Variants in ZFPM2 observed in about 807,000 individuals in gnomAD.
ZFPM2 encodes zinc finger protein ZFPM2.
In ZFPM2, 20 loss-of-function variants were observed where a neutral mutation model predicts 98.6. The observed-to-expected ratio is 0.20, with a 90% CI of 0.14 to 0.29. The LOEUF is 0.29. Among genes scored for constraint, ZFPM2 ranks in the 10% least tolerant of loss-of-function variants. ZFPM2 has a pLI of 1.00. For missense variants in ZFPM2, 1,310 were observed against 1,388.6 expected, an observed-to-expected ratio of 0.94 and a Z score of 0.90; for synonymous variants, 518 against 502.7, an observed-to-expected ratio of 1.03 and a Z score of -0.41.
At chr8:105,329,975 G>A (rs1691333953) in intron 1 of ZFPM2, among the ~76,000 whole-genome samples, 1 of 151,426 alleles carries the variant, frequency 6.6e-6, no homozygotes, top group Non-Finnish European at 1.5e-5. Flanking sequence ...TTGTTTTTTT[G>A]CTATGATAGA....
At chr8:105,489,334 G>A (rs116181613) in intron 3 of ZFPM2, among the ~76,000 whole-genome samples, 2,813 of 148,310 alleles carry the variant, frequency 0.019, 91 homozygotes, top group African/African-American at 0.066. Context: ...CACGTTTCAT[G>A]TATATGTAAA....
chr8:105,394,497 G>T (rs1015619840), intron 1 of ZFPM2, among the ~76,000 whole-genome samples: 1 of 152,194 alleles, frequency 6.6e-6, no homozygotes, highest in African/African-American at 2.4e-5. Flanking sequence ...AAAGTTCCTT[G>T]TAGAACACTG....
intron 4 of ZFPM2, among the ~76,000 whole-genome samples, chr8:105,625,400 A>G (rs1362292764): frequency 6.6e-6 from 1 of 152,162 alleles, no homozygotes; most frequent in South Asian, 2.1e-4. Context: ...AGAATCACAT[A>G]TACACACATG....
intron 1 of ZFPM2, among the ~76,000 whole-genome samples, chr8:105,401,811 A>G (rs1382071824): frequency 6.6e-6 from 1 of 152,142 alleles, no homozygotes; most frequent in African/African-American, 2.4e-5. Flanking sequence ...TTAATTTCCA[A>G]TTACACTGCA....
chr8:105,604,423 G>A (rs983248891), intron 4 of ZFPM2, among the ~76,000 whole-genome samples: 4 of 151,928 alleles, frequency 2.6e-5, no homozygotes, highest in South Asian at 2.1e-4. Context: ...CACAACCCAA[G>A]TGGTATTTTA....
intron 2 of ZFPM2, among the ~76,000 whole-genome samples, chr8:105,439,050 A>G (rs1017804474): frequency 2.0e-5 from 3 of 151,934 alleles, no homozygotes; most frequent in African/African-American, 4.8e-5. Context: ...TTCTCATTGT[A>G]TTTTCAAAAA....
At chr8:105,505,772 A>G (rs1813686729) in intron 3 of ZFPM2, among the ~76,000 whole-genome samples, 1 of 152,190 alleles carries the variant, frequency 6.6e-6, no homozygotes. Context: ...GCCAATTTAT[A>G]CACAAAAGGC....
chr8:105,455,429 T>A lies in ZFPM2; in HGVS notation c.301+11048T>A, dbSNP rs147956501. Among the ~76,000 whole-genome samples, 448 of 152,238 alleles carry A rather than the reference T, an allele frequency of 2.9e-3. 6 individuals carry two copies. Among genetic ancestry groups the A allele is most frequent in the African/African-American group, 0.01 (420 of 41,544 alleles). ...GAGAAGGGAGGTGAATTCAAGGCCA[T>A]TGTGACTGGAGCTAAGAAAACCAAC... On this transcript the variant is annotated intron_variant, in intron 3 of 7. Coordinates refer to ENST00000407775, the MANE Select transcript of ZFPM2 (RefSeq NM_012082.4).
chr8:105,491,649 T>C (rs1472209226), intron 3 of ZFPM2, among the ~76,000 whole-genome samples: 1 of 152,172 alleles, frequency 6.6e-6, no homozygotes, highest in Non-Finnish European at 1.5e-5. Flanking sequence ...TAATTAATGG[T>C]GGAAAAAGAA....
In ZFPM2 at chr8:105,411,208, T is replaced by G. The variant is rs143123110; in HGVS notation, c.41-7936T>G. 4.9e-3 allele frequency among the ~76,000 whole-genome samples: 750 copies of G among 151,992 alleles called. 4 individuals are homozygous for G. Among genetic ancestry groups the G allele is most frequent in the African/African-American group, 0.017 (714 of 41,522 alleles). ...TGCCTTGGCTAAATGCAAGGTAATATTCTTGCTGCTTTCAGTTGCAAATGT... is the reference window on the plus strand; with the variant it reads ...TGCCTTGGCTAAATGCAAGGTAATAGTCTTGCTGCTTTCAGTTGCAAATGT... On this transcript the variant is annotated intron_variant, in intron 1 of 7. Transcript: ENST00000407775.
chr8:105,730,772 T>TTTTA (rs1563540215), intron 5 of ZFPM2, among the ~76,000 whole-genome samples: 1 of 130,742 alleles, frequency 7.6e-6, no homozygotes, highest in Non-Finnish European at 1.6e-5. Context: ...ACTTTTTCTT[T>TTTTA]TTTCTTTTTT....
intron 1 of ZFPM2, among the ~76,000 whole-genome samples, chr8:105,382,400 A>T (rs1810906343): frequency 6.6e-6 from 1 of 152,130 alleles, no homozygotes; most frequent in Admixed American, 6.5e-5. Flanking sequence ...TTGTATTTTC[A>T]ATATAGATTA....
intron 3 of ZFPM2, among the ~76,000 whole-genome samples, chr8:105,480,863 G>A (rs1813100917): frequency 6.6e-6 from 1 of 151,114 alleles, no homozygotes; most frequent in Non-Finnish European, 1.5e-5. Flanking sequence ...CCATTCTCCT[G>A]CCTCAGCCTC....
intron 5 of ZFPM2, among the ~76,000 whole-genome samples, chr8:105,787,753 A>G (rs941996392): frequency 5.9e-5 from 9 of 152,184 alleles, no homozygotes; most frequent in African/African-American, 2.2e-4. Flanking sequence ...AAAGAGCTTT[A>G]TAACATATCA....
chr8:105,622,048 C>G (rs1816562166), intron 4 of ZFPM2, among the ~76,000 whole-genome samples: 1 of 151,148 alleles, frequency 6.6e-6, no homozygotes. Context: ...AAAAGTAATG[C>G]TGATTAGTTA....
intron 5 of ZFPM2, chr8:105,690,856 T>C (rs1243385686): frequency 6.6e-6 from 1 of 152,188 alleles, no homozygotes; most frequent in East Asian, 1.9e-4. Flanking sequence ...CCTAATAATA[T>C]CATTAACATT....
intron 4 of ZFPM2, among the ~76,000 whole-genome samples, chr8:105,616,364 C>T (rs1816413456): frequency 6.6e-6 from 1 of 151,958 alleles, no homozygotes; most frequent in African/African-American, 2.4e-5. Context: ...ATTTTGCTAG[C>T]AGTGGTAAAG....
intron 5 of ZFPM2, among the ~76,000 whole-genome samples, chr8:105,697,304 A>G (rs1393277390): frequency 1.3e-5 from 2 of 152,206 alleles, no homozygotes; most frequent in African/African-American, 2.4e-5. Context: ...GTTTGGTACA[A>G]TCTTAGACGG....
chr8:105,319,031 G>C (rs559498287), intron 1 of ZFPM2, 50 bp downstream of exon 1: 7 of 1,467,918 alleles, frequency 4.8e-6, no homozygotes, highest in South Asian at 1.3e-5. Flanking sequence ...GCCCAGGAGC[G>C]GGGTGCGCGG....
Sources: gnomAD v4.1 joint callset for allele counts (sites outside exome capture counted in the v4.1 genomes callset) on GRCh38, gnomAD v4.1.1 for gene constraint, MANE v1.5 for transcripts, NCBI Gene and HGNC (gene_info 2026-07-23, HGNC 2026-07-21) for gene names.